Variants in B3GALT1 observed in about 807,000 individuals in gnomAD.
The protein encoded by B3GALT1 is UDP-Gal:betaGlcNAc beta 1,3-galactosyltransferase, polypeptide 1.
Under a neutral mutation model 23.2 loss-of-function variants are expected in B3GALT1, and 10 were observed. The observed-to-expected ratio is 0.43, with a 90% CI of 0.27 to 0.73. The LOEUF is 0.73. Among genes scored for constraint, B3GALT1 ranks in the 30% least tolerant of loss-of-function variants. The probability of loss-of-function intolerance (pLI) is 0.21; values close to 1 mark genes in which losing one functional copy is unlikely to be tolerated. For missense variants in B3GALT1, 299 were observed against 405.4 expected, an observed-to-expected ratio of 0.74 and a Z score of 2.25; for synonymous variants, 156 against 141.5, an observed-to-expected ratio of 1.10 and a Z score of -0.73.
At chr2:167,849,811 A>G (rs1016410802) in intron 4 of B3GALT1, among the ~76,000 whole-genome samples, 11 of 149,690 alleles carry the variant, frequency 7.3e-5, no homozygotes, top group Admixed American at 4.7e-4. Flanking sequence ...AATGGCGTGA[A>G]CCCGGGAGGC....
chr2:167,606,957 C>T (rs540011260), intron 2 of B3GALT1, among the ~76,000 whole-genome samples: 3 of 152,112 alleles, frequency 2.0e-5, no homozygotes, highest in South Asian at 2.1e-4. Context: ...TTTAGGGGGA[C>T]GGATTCTACA....
intron 3 of B3GALT1, among the ~76,000 whole-genome samples, chr2:167,705,231 T>A (rs1192311344): frequency 6.6e-6 from 1 of 152,184 alleles, no homozygotes; most frequent in Admixed American, 6.5e-5. Context: ...AGCCACTGAC[T>A]TGTGGGGTGA....
chr2:167,673,048 C>T (rs550664804), intron 3 of B3GALT1, among the ~76,000 whole-genome samples: 4 of 151,270 alleles, frequency 2.6e-5, no homozygotes, highest in Non-Finnish European at 5.9e-5. Context: ...AAAAAGCCCT[C>T]AAAAAGTAGA....
chr2:167,840,639 C>A (rs1248845628), intron 4 of B3GALT1, among the ~76,000 whole-genome samples: 3 of 150,900 alleles, frequency 2.0e-5, no homozygotes, highest in Admixed American at 1.3e-4. Context: ...GGATCTAGAA[C>A]TAGAAATACC....
intron 1 of B3GALT1, among the ~76,000 whole-genome samples, chr2:167,363,933 C>T (rs573899488): frequency 6.7e-4 from 102 of 151,956 alleles, no homozygotes; most frequent in African/African-American, 2.4e-3. Context: ...CTGAGGGAGG[C>T]GGATCACTTG....
chr2:167,305,972 A>T (rs1354020467), intron 1 of B3GALT1, among the ~76,000 whole-genome samples: 26 of 151,958 alleles, frequency 1.7e-4, no homozygotes, highest in Non-Finnish European at 5.9e-5. Context: ...GCTTTCAGAT[A>T]CTCTTTGGTG....
chr2:167,841,231 A>G (rs1420985402), intron 4 of B3GALT1, among the ~76,000 whole-genome samples: 2 of 151,916 alleles, frequency 1.3e-5, no homozygotes, highest in African/African-American at 4.8e-5. Flanking sequence ...AAGAAAAAAA[A>G]AAAAAAGAAA....
intron 2 of B3GALT1, among the ~76,000 whole-genome samples, chr2:167,491,814 CAA>C (rs1193719148): frequency 7.5e-6 from 1 of 133,122 alleles, no homozygotes. Context: ...GACTCCATCT[CAA>C]AAAAAAAAAA....
chr2:167,532,754 T>A (rs1683349828), intron 2 of B3GALT1, among the ~76,000 whole-genome samples: 1 of 152,082 alleles, frequency 6.6e-6, no homozygotes, highest in Non-Finnish European at 1.5e-5. Flanking sequence ...AAACTACAAC[T>A]GAGTTTGTAT....
chr2:167,730,678 C>T (rs1013443646), intron 3 of B3GALT1, among the ~76,000 whole-genome samples: 10 of 152,266 alleles, frequency 6.6e-5, no homozygotes, highest in African/African-American at 2.4e-4. Context: ...TGTATTTCCA[C>T]ACAAGCAGTT....
chr2:167,393,220 C>T lies in B3GALT1; in HGVS notation c.-510-96957C>T, dbSNP rs545089222. ...CTGCACTCCAGCCTGGGCGACAGAGCGAGACTCCGTCTCAAAAGAAAAAAA... is the reference window on the plus strand; with the variant it reads ...CTGCACTCCAGCCTGGGCGACAGAGTGAGACTCCGTCTCAAAAGAAAAAAA... On this transcript the variant is annotated intron_variant, in intron 1 of 4. Coordinates refer to ENST00000392690, the MANE Select transcript of B3GALT1 (RefSeq NM_020981.4). 5.4e-3 allele frequency among the ~76,000 whole-genome samples: 778 copies of T among 145,370 alleles called. 4 individuals carry two copies. Among genetic ancestry groups the T allele is most frequent in the African/African-American group, 0.018 (716 of 39,254 alleles).
At chr2:167,677,423 A>G (rs902830924) in intron 3 of B3GALT1, among the ~76,000 whole-genome samples, 2 of 152,250 alleles carry the variant, frequency 1.3e-5, no homozygotes, top group African/African-American at 4.8e-5. Context: ...TGCTCTGGCT[A>G]GAACTGGCGT....
chr2:167,405,879 A>T (rs903075911), intron 1 of B3GALT1, among the ~76,000 whole-genome samples: 3 of 152,144 alleles, frequency 2.0e-5, no homozygotes, highest in Admixed American at 2.0e-4. Context: ...TACTCTAAGG[A>T]CTCAAATAGA....
intron 1 of B3GALT1, among the ~76,000 whole-genome samples, chr2:167,340,367 G>C (rs2105247252): frequency 6.6e-6 from 1 of 151,278 alleles, no homozygotes; most frequent in African/African-American, 2.4e-5. Flanking sequence ...AAGGGTTGGT[G>C]TGACAAAATC....
chr2:167,497,480 A>G (rs1185968026), intron 2 of B3GALT1, among the ~76,000 whole-genome samples: 1 of 152,170 alleles, frequency 6.6e-6, no homozygotes, highest in Non-Finnish European at 1.5e-5. Flanking sequence ...TGTACCGATC[A>G]CCAACTACTA....
chr2:167,699,965 G>A (rs1172012150), intron 3 of B3GALT1, among the ~76,000 whole-genome samples: 3 of 152,140 alleles, frequency 2.0e-5, no homozygotes, highest in African/African-American at 4.8e-5. Flanking sequence ...AACCCACCTC[G>A]GCCTTCCAAA....
chr2:167,657,341 A>G (rs1465983257), intron 3 of B3GALT1, among the ~76,000 whole-genome samples: 4 of 152,124 alleles, frequency 2.6e-5, no homozygotes, highest in Non-Finnish European at 5.9e-5. Context: ...AGAGAAAAAT[A>G]AACGGCCCAG....
chr2:167,819,957 T>A (rs1395530881), intron 4 of B3GALT1, among the ~76,000 whole-genome samples: 1 of 152,200 alleles, frequency 6.6e-6, no homozygotes, highest in Non-Finnish European at 1.5e-5. Context: ...CCCCTGACAG[T>A]GAGTCGCAAG....
intron 3 of B3GALT1, among the ~76,000 whole-genome samples, chr2:167,724,676 C>A (rs553017799): frequency 1.4e-4 from 22 of 152,140 alleles, no homozygotes; most frequent in Non-Finnish European, 2.9e-4. Context: ...TAAATCATAT[C>A]TTTTTAAGAA....
Sources: gnomAD v4.1 joint callset for allele counts (sites outside exome capture counted in the v4.1 genomes callset) on GRCh38, gnomAD v4.1.1 for gene constraint, MANE v1.5 for transcripts, NCBI Gene and HGNC (gene_info 2026-07-23, HGNC 2026-07-21) for gene names.